Variants in TSHZ1 observed in about 807,000 individuals in gnomAD.
The protein encoded by TSHZ1 is teashirt zinc finger homeobox 1.
TSHZ1 carries 12 observed loss-of-function variants against 67.1 expected under a neutral mutation model. The observed-to-expected ratio is 0.18, with a 90% CI of 0.11 to 0.29. TSHZ1 has a LOEUF of 0.29. TSHZ1 is among the 10% of genes least tolerant of loss of function. TSHZ1 has a pLI of 1.00. For synonymous variants in TSHZ1, 632 were observed against 622.4 expected (o/e 1.02, Z -0.23); for missense variants, 1,305 against 1,413.9 (o/e 0.92, Z 1.23).
At chr18:75,261,014 G>A (rs1207708742) in intron 1 of TSHZ1, among the ~76,000 whole-genome samples, 1 of 151,802 alleles carries the variant, frequency 6.6e-6, no homozygotes, top group Non-Finnish European at 1.5e-5. Context: ...GCATGGTGGG[G>A]TGTATGGGCT....
chr18:75,278,627 G>A (rs553676903), intron 1 of TSHZ1, among the ~76,000 whole-genome samples: 177 of 152,120 alleles, frequency 1.2e-3, no homozygotes, highest in African/African-American at 3.9e-3. Flanking sequence ...GTGAAAGACC[G>A]GGGGTGGAGG....
intron 1 of TSHZ1, among the ~76,000 whole-genome samples, chr18:75,262,961 G>T (rs545793885): frequency 6.6e-6 from 1 of 152,270 alleles, no homozygotes; most frequent in South Asian, 2.1e-4. Context: ...AGGACACAGA[G>T]ACTTAGGCTA....
In TSHZ1 at chr18:75,246,403, G is replaced by GGTGTGGGTGTGT. The variant is rs2023222747; in HGVS notation, c.40+34492_40+34493insGGTGTGTGTGTG. On this transcript the variant is annotated intron_variant, in intron 1 of 1. Transcript: ENST00000580243. ...CTCTGATGGGGTGTTTTTGGTTTCTGGTGTGTGTGTGTGTGTGTGTGTGTG... is the reference window on the plus strand; with the variant it reads ...CTCTGATGGGGTGTTTTTGGTTTCTGGTGTGGGTGTGTGTGTGTGTGTGTGTGTGTGTGTGTG... Among the ~76,000 whole-genome samples the GGTGTGGGTGTGT allele has an allele frequency of 1.1e-4, 12 of 108,434 alleles. No homozygotes were observed. The South Asian group carries it at 4.6e-3, about 41-fold the overall frequency. 71.1% of individuals were successfully genotyped at this position (108,434 alleles called of 152,430 possible).
chr18:75,222,736 A>AT (rs941883310), intron 1 of TSHZ1, among the ~76,000 whole-genome samples: 3 of 152,016 alleles, frequency 2.0e-5, no homozygotes, highest in Non-Finnish European at 2.9e-5. Flanking sequence ...CCACCCCCCT[A>AT]TTTTTTGTGG....
intron 1 of TSHZ1, among the ~76,000 whole-genome samples, chr18:75,216,872 G>A (rs2022775511): frequency 6.6e-6 from 1 of 152,144 alleles, no homozygotes. Flanking sequence ...GAAAGGCATG[G>A]TCCACTGGGC....
rs1361227147 is a variant in TSHZ1, at chr18:75,281,809, A to AG, written c.41-3633dup. ...AAGTTGCCTCCAGATGGCATCTGGA[A>AG]GGGGGGCATGCTAGGTGCGGGCAGG... On this transcript the variant is annotated intron_variant, in intron 1 of 1. Coordinates refer to ENST00000580243, the MANE Select transcript of TSHZ1 (RefSeq NM_001308210.2). This position sits in a 1 kb window ranked among gnomAD's most constrained non-coding sequence, Gnocchi z 5.3. Among the ~76,000 whole-genome samples, 1 of 152,066 alleles carries AG rather than the reference A, an allele frequency of 6.6e-6. No individual in the cohort carries two copies. Among genetic ancestry groups the AG allele is most frequent in the Non-Finnish European group, 1.5e-5 (1 of 67,978 alleles).
At chr18:75,248,957 C>T (rs140374774) in intron 1 of TSHZ1, among the ~76,000 whole-genome samples, 4 of 152,160 alleles carry the variant, frequency 2.6e-5, no homozygotes, top group Non-Finnish European at 4.4e-5. Context: ...GCCACCTCCG[C>T]GTGGGAGGAG....
At chr18:75,212,459 G>A (rs979870247) in intron 1 of TSHZ1, among the ~76,000 whole-genome samples, 1 of 152,030 alleles carries the variant, frequency 6.6e-6, no homozygotes, top group African/African-American at 2.4e-5. Context: ...CCAGCACAAG[G>A]CAGTGATAGT....
chr18:75,274,156 A>G (rs1189189376), intron 1 of TSHZ1, among the ~76,000 whole-genome samples: 3 of 152,216 alleles, frequency 2.0e-5, no homozygotes, highest in Non-Finnish European at 4.4e-5. Context: ...AGGCTCAGGA[A>G]GGGTGGGGGA....
chr18:75,232,897 A>T (rs947257650), intron 1 of TSHZ1, among the ~76,000 whole-genome samples: 2 of 152,250 alleles, frequency 1.3e-5, no homozygotes, highest in Non-Finnish European at 2.9e-5. Context: ...CAGTAACCTC[A>T]TGTCTGTTCT....
At position 75,240,525 on chromosome 18, in the gene TSHZ1, G is replaced by A. The variant is rs541316828; in HGVS notation, c.40+28609G>A. Among the ~76,000 whole-genome samples the A allele has an allele frequency of 9.2e-5, 14 of 152,244 alleles. No individual in the cohort carries two copies. The South Asian group carries it at 1.7e-3, about 18-fold the overall frequency. On this transcript the variant is annotated intron_variant, in intron 1 of 1. Coordinates refer to ENST00000580243, the MANE Select transcript of TSHZ1 (RefSeq NM_001308210.2). Reference sequence around the variant, plus strand: ...AGTGGGTCCTGCCCCCAGGTGCACCGCGAGCCTTTCCTTGCTGTGAACAGT... The same window carrying A: ...AGTGGGTCCTGCCCCCAGGTGCACCACGAGCCTTTCCTTGCTGTGAACAGT...
intron 1 of TSHZ1, among the ~76,000 whole-genome samples, chr18:75,277,569 C>T (rs553909217): frequency 6.6e-6 from 1 of 152,136 alleles, no homozygotes; most frequent in Non-Finnish European, 1.5e-5. Flanking sequence ...GAGGGCCTGC[C>T]TCCTGTGTGT....
intron 1 of TSHZ1, among the ~76,000 whole-genome samples, chr18:75,234,833 G>A (rs1435162715): frequency 6.6e-6 from 1 of 152,154 alleles, no homozygotes; most frequent in African/African-American, 2.4e-5. Context: ...AAACACTCGA[G>A]GGAGGAATTG....
chr18:75,211,826 CCCCGCGAACTCCGGCGG>C lies in TSHZ1; in HGVS notation c.-49_-33del. ...GCGCCCGGGGCCCCGCGTCCCCGCG[CCCCGCGAACTCCGGCGG>C]CGGCTGAGGCGACGGCTGCGGCGGC... is the stretch of plus-strand genomic sequence containing the variant. On this transcript the variant is annotated 5_prime_UTR_variant, in exon 1 of 2. An upstream open reading frame in the 5' UTR loses its in-frame stop. Coordinates refer to ENST00000580243, the MANE Select transcript of TSHZ1 (RefSeq NM_001308210.2). 1 of 1,097,840 alleles carries C rather than the reference CCCCGCGAACTCCGGCGG, an allele frequency of 9.1e-7. No individual in the cohort carries two copies. Among genetic ancestry groups the C allele is most frequent in the Non-Finnish European group, 1.1e-6 (1 of 903,344 alleles). The allele number at this position is 1,097,840 out of a possible 1,614,324, so 68.0% of individuals were successfully genotyped here.
chr18:75,213,910 G>T (rs537311437), intron 1 of TSHZ1, among the ~76,000 whole-genome samples: 1 of 152,190 alleles, frequency 6.6e-6, no homozygotes, highest in Non-Finnish European at 1.5e-5. Flanking sequence ...GTCATCTGCT[G>T]TACAGGAACT....
intron 1 of TSHZ1, among the ~76,000 whole-genome samples, chr18:75,254,269 C>T (rs1236751213): frequency 1.3e-5 from 2 of 152,216 alleles, no homozygotes; most frequent in African/African-American, 4.8e-5. Flanking sequence ...AAAGGGAATA[C>T]TACTGCTTTA....
chr18:75,289,617 C>A lies in TSHZ1; in HGVS notation c.*976C>A, dbSNP rs1383985042. Reference sequence around the variant, plus strand: ...CTTCAACTTTCTTTGTACCTTCTGGCTGTATGCTTTCTCTTTTAACTTTTT... The same window carrying A: ...CTTCAACTTTCTTTGTACCTTCTGGATGTATGCTTTCTCTTTTAACTTTTT... On this transcript the variant is annotated 3_prime_UTR_variant, in exon 2 of 2. Coordinates refer to ENST00000580243, the MANE Select transcript of TSHZ1 (RefSeq NM_001308210.2). The A allele has an allele frequency of 6.0e-6, 1 of 167,052 alleles. No individual in the cohort carries two copies. The highest frequency in any genetic ancestry group is 1.5e-5 in the Non-Finnish European group (1 of 68,118). 10.3% of individuals were successfully genotyped at this position (167,052 alleles called of 1,614,324 possible).
intron 1 of TSHZ1, among the ~76,000 whole-genome samples, chr18:75,212,537 T>C (rs2022712534): frequency 6.6e-6 from 1 of 152,200 alleles, no homozygotes; most frequent in Non-Finnish European, 1.5e-5. Context: ...TGGTTTTCCT[T>C]GTTTTCTGTT....
chr18:75,221,152 A>G (rs1368595318), intron 1 of TSHZ1: 4 of 152,168 alleles, frequency 2.6e-5, no homozygotes, highest in African/African-American at 9.7e-5. Context: ...GCGATTTTAA[A>G]AGGTGTGTTC....
Sources: gnomAD v4.1 joint callset for allele counts (sites outside exome capture counted in the v4.1 genomes callset) on GRCh38, gnomAD v4.1.1 for gene constraint, Gnocchi (gnomAD v3.1) non-coding constraint, MANE v1.5 for transcripts, NCBI Gene and HGNC (gene_info 2026-07-23, HGNC 2026-07-21) for gene names.